ABCA1: variants seen among roughly 807,000 people sequenced by gnomAD.
The protein encoded by ABCA1 is ATP binding cassette subfamily A member 1, also known as phospholipid-transporting ATPase ABCA1.
ABCA1 carries 133 observed loss-of-function variants against 262.5 expected under a neutral mutation model. The observed-to-expected ratio is 0.51, with a 90% CI of 0.44 to 0.59. The LOEUF (loss-of-function observed/expected upper bound fraction) is 0.59, where lower values mean the gene tolerates loss of function less well. ABCA1 is among the 20% of genes least tolerant of loss of function. The pLI, the probability that ABCA1 is intolerant of heterozygous loss-of-function variation, is 0.00. For synonymous variants in ABCA1, 1,022 were observed against 1,043.5 expected (o/e 0.98, Z 0.40); for missense variants, 2,452 against 2,777.5 (o/e 0.88, Z 2.63).
chr9:104,782,943 T>C lies in ABCA1; in HGVS notation c.*1372A>G, dbSNP rs1218960180. The C allele has an allele frequency of 6.6e-6, 1 of 152,430 alleles. No homozygotes were observed. Among genetic ancestry groups the C allele is most frequent in the African/African-American group, 2.4e-5 (1 of 41,370 alleles). The allele number at this position is 152,430 out of a possible 1,614,324, so 9.4% of individuals were successfully genotyped here. A position where few individuals can be genotyped will look rare whatever the true frequency, so the allele number is the denominator to read the frequency against. On this transcript the variant is annotated 3_prime_UTR_variant, in exon 50 of 50. Transcript: ENST00000374736. ...TTGTAAACCAGTGAGCTGAATAACA[T>C]GGCACAGGAAGTGTACTGAGACTTA... is the stretch of plus-strand genomic sequence containing the variant.
In ABCA1 at chr9:104,816,073, G is replaced by A; in HGVS notation, c.3738+70C>T. 7 of 1,517,554 alleles carry A rather than the reference G, an allele frequency of 4.6e-6. No homozygotes were observed. The South Asian group carries it at 7.9e-5, about 17-fold the overall frequency. 94.0% of individuals were successfully genotyped at this position (1,517,554 alleles called of 1,614,324 possible). On this transcript the variant is annotated intron_variant, in intron 25 of 49. Coordinates refer to ENST00000374736, the MANE Select transcript of ABCA1 (RefSeq NM_005502.4). ...ACTCCATGATAATCCTGCTCCCAAT[G>A]CAGGCTACTGGTCTGGCCTTAGGAC...
intron 5 of ABCA1, among the ~76,000 whole-genome samples, chr9:104,864,291 G>A (rs940687010): frequency 5.3e-5 from 8 of 152,086 alleles, no homozygotes; most frequent in Admixed American, 2.0e-4. Flanking sequence ...GGGATGTCAG[G>A]ACCATCCCCA....
At chr9:104,804,558 T>C in intron 32 of ABCA1, 68 bp downstream of exon 32, 2 of 1,251,104 alleles carry the variant, frequency 1.6e-6, no homozygotes, top group Non-Finnish European at 1.2e-6. Flanking sequence ...TTCAGTCTGT[T>C]ATTTGTAGGT....
intron 9 of ABCA1, among the ~76,000 whole-genome samples, chr9:104,839,780 G>A (rs2119033001): frequency 6.6e-6 from 1 of 152,178 alleles, no homozygotes; most frequent in African/African-American, 2.4e-5. Flanking sequence ...TGCCTTTTTT[G>A]TGTAGTGTGA....
chr9:104,787,349 C>CA (rs1554697737), intron 46 of ABCA1, among the ~76,000 whole-genome samples: 1 of 146,212 alleles, frequency 6.8e-6, no homozygotes, highest in Non-Finnish European at 1.5e-5. Flanking sequence ...GGTGAAATTC[C>CA]TTTTTTTTTT....
rs886063305 is a variant in ABCA1 at position 104,788,015 on chromosome 9, A to T, written c.6109T>A (p.Tyr2037Asn). ...WAIRKLGLVK[Y>N]GEKYAGNYSG... ...TAGTTACCAGCATATTTTTCTCCAT[A>T]CTTCACGAGGCCCAGTTTCCGAATC... Residue 2037 changes from tyrosine (Y) to asparagine (N), a missense_variant, in exon 46 of 50, where the codon TAT becomes AAT. Physicochemically the swap from Tyr to Asn is moderately radical, Grantham distance 143 (BLOSUM62 -2). Around this residue, in one of 4 missense-constraint regions of ABCA1, gnomAD observed 752 missense variants for 944.5 expected, o/e 0.80. Coordinates refer to ENST00000374736, the MANE Select transcript of ABCA1 (RefSeq NM_005502.4). 1 of 1,613,942 alleles carries T rather than the reference A, an allele frequency of 6.2e-7. No individual in the cohort carries two copies. The highest frequency in any genetic ancestry group is 8.5e-7 in the Non-Finnish European group (1 of 1,180,018).
intron 37 of ABCA1, among the ~76,000 whole-genome samples, chr9:104,797,287 CA>C (rs1464297415): frequency 6.6e-6 from 1 of 152,064 alleles, no homozygotes; most frequent in Admixed American, 6.6e-5. Flanking sequence ...CAAGATAAAA[CA>C]AAAATAAAAC....
At chr9:104,801,290 G>A (rs559000118) in intron 34 of ABCA1, among the ~76,000 whole-genome samples, 244 of 152,120 alleles carry the variant, frequency 1.6e-3, no homozygotes, top group African/African-American at 5.5e-3. Flanking sequence ...TGCAATCTGG[G>A]CTCACTGCAA....
chr9:104,856,117 C>A, intron 7 of ABCA1: 1 of 1,565,262 alleles, frequency 6.4e-7, no homozygotes. Flanking sequence ...AAATTTCAAC[C>A]AAGCAGCAAT....
In ABCA1 at chr9:104,831,695, G is replaced by C. The variant is rs1209129770; in HGVS notation, c.1642C>G (p.Leu548Val). Residue 548 changes from leucine (L) to valine (V), a missense_variant, in exon 13 of 50, where the codon CTG becomes GTG. Transcript: ENST00000374736. ...ATCTTGTACTTGACATGATGGGGCA[G>C]CTCAATGCTGCCTGGAGTAATTCCA... ...FTGITPGSIE[L>V]PHHVKYKIRM... is the part of the protein sequence containing the mutation. 2 of 1,614,086 alleles carry C rather than the reference G, an allele frequency of 1.2e-6. No individual in the cohort carries two copies. Among genetic ancestry groups the C allele is most frequent in the East Asian group, 2.2e-5 (1 of 44,896 alleles).
chr9:104,913,793 TTA>T (rs1409403658), intron 1 of ABCA1, among the ~76,000 whole-genome samples: 7 of 152,124 alleles, frequency 4.6e-5, no homozygotes, highest in Admixed American at 1.3e-4. Context: ...TTTATTTTAT[TTA>T]TTTATCTATT....
chr9:104,821,691 G>A (rs887503584), intron 19 of ABCA1, among the ~76,000 whole-genome samples, 185 bp from the exon 20 acceptor site: 2 of 152,168 alleles, frequency 1.3e-5, no homozygotes, highest in African/African-American at 4.8e-5. Context: ...ACTACAAGTG[G>A]GCCTATGGGT....
At chr9:104,830,829 G>A (rs551786446) in intron 14 of ABCA1, 96 bp downstream of exon 14, 99 of 1,404,630 alleles carry the variant, frequency 7.0e-5, no homozygotes, top group Non-Finnish European at 9.1e-5. Flanking sequence ...CTTATTTCCA[G>A]ATCATTCACA....
chr9:104,856,196 ATAAG>A (rs1445481261), intron 7 of ABCA1: 1 of 1,425,354 alleles, frequency 7.0e-7, no homozygotes, highest in South Asian at 1.5e-5. Flanking sequence ...GCTTAATTCA[ATAAG>A]TAAGAGTCAC....
chr9:104,874,766 C>A (rs543615344), intron 5 of ABCA1, among the ~76,000 whole-genome samples: 3 of 143,294 alleles, frequency 2.1e-5, no homozygotes, highest in Non-Finnish European at 3.1e-5. Flanking sequence ...CCGCCCCGTC[C>A]GGGAGGGAGG....
chr9:104,879,006 C>A (rs761980782), intron 5 of ABCA1, among the ~76,000 whole-genome samples: 124 of 151,446 alleles, frequency 8.2e-4, no homozygotes, highest in Non-Finnish European at 1.5e-3. Flanking sequence ...ACCCAGGAGG[C>A]AGAGGCTGCA....
At chr9:104,925,211 T>C (rs1842359393) in intron 1 of ABCA1, among the ~76,000 whole-genome samples, 1 of 152,132 alleles carries the variant, frequency 6.6e-6, no homozygotes. Flanking sequence ...ACTCTGTCTC[T>C]ACTGAAAATG....
At chr9:104,926,999 G>A (rs1038893355) in intron 1 of ABCA1, among the ~76,000 whole-genome samples, 2 of 151,982 alleles carry the variant, frequency 1.3e-5, no homozygotes, top group Admixed American at 6.6e-5. Flanking sequence ...ATCACCTGAG[G>A]TCGAGGGTTC....
intron 5 of ABCA1, among the ~76,000 whole-genome samples, chr9:104,867,416 T>C (rs766796126): frequency 6.6e-6 from 1 of 152,254 alleles, no homozygotes; most frequent in Non-Finnish European, 1.5e-5. Flanking sequence ...ATGACTGATC[T>C]GAACAGATTC....
Sources: allele counts gnomAD v4.1 joint callset (sites outside exome capture counted in the v4.1 genomes callset), GRCh38; gene constraint gnomAD v4.1.1; regional missense constraint gnomAD v4.1.1; transcripts MANE v1.5; gene names NCBI Gene and HGNC (gene_info 2026-07-23, HGNC 2026-07-21).